ADGRL4: variants seen among roughly 807,000 people sequenced by gnomAD.
ADGRL4 encodes adhesion G protein-coupled receptor L4.
ADGRL4 carries 90 observed loss-of-function variants against 74.8 expected under a neutral mutation model. The ratio of observed to expected loss-of-function variants is 1.20; its 90% CI spans 1.02 to 1.43. The LOEUF is 1.43. Ranked by LOEUF, ADGRL4 falls within the 40% of genes most tolerant of loss-of-function variation. The probability of loss-of-function intolerance (pLI) is 0.00; values close to 1 mark genes in which losing one functional copy is unlikely to be tolerated. For missense variants in ADGRL4, 881 were observed against 814.3 expected (o/e 1.08, Z -1.00); for synonymous variants, 311 against 279.2 (o/e 1.11, Z -1.14).
chr1:78,946,289 C>T lies in ADGRL4; in HGVS notation c.310G>A (p.Gly104Arg). Residue 104 changes from glycine (G) to arginine (R), a missense_variant, in exon 3 of 15, where the codon GGA (glycine) becomes AGA (arginine). By Grantham distance (125) the Gly-to-Arg change is moderately radical. Transcript: ENST00000370742. ...CCGAACTTACCTATACAGACGGTTCCATCATTAGTGATAAACCTGTCTTGG... is the reference window on the plus strand; with the variant it reads ...CCGAACTTACCTATACAGACGGTTCTATCATTAGTGATAAACCTGTCTTGG... ...SNQDRFITND[G>R]TVCIENVNAN... 1 of 1,611,692 alleles carries T rather than the reference C, an allele frequency of 6.2e-7. No homozygotes were observed. Among genetic ancestry groups the T allele is most frequent in the Non-Finnish European group, 8.5e-7 (1 of 1,179,030 alleles).
intron 10 of ADGRL4, among the ~76,000 whole-genome samples, chr1:78,919,199 A>C (rs1427641765): frequency 6.6e-6 from 1 of 151,998 alleles, no homozygotes; most frequent in Non-Finnish European, 1.5e-5. Context: ...AAAGATTTCT[A>C]AGAATGGAAA....
rs1283282059 is a variant in ADGRL4, at chr1:78,891,044, G to T, written c.*110C>A. The T allele has an allele frequency of 2.8e-6, 3 of 1,074,248 alleles. No homozygotes were observed. The highest frequency in any genetic ancestry group is 1.8e-5 in the Admixed American group (1 of 55,174). 66.5% of individuals were successfully genotyped at this position (1,074,248 alleles called of 1,614,324 possible). The stretch of plus-strand genomic sequence containing the variant: ...GAAAAACTGATTTAAAATACTTTTT[G>T]TCTAGTAGTTAATAATTGGATAATT... On this transcript the variant is annotated 3_prime_UTR_variant, in exon 15 of 15. Transcript: ENST00000370742.
At chr1:78,982,863 C>T (rs1570270729) in intron 2 of ADGRL4, among the ~76,000 whole-genome samples, 1 of 151,786 alleles carries the variant, frequency 6.6e-6, no homozygotes, top group African/African-American at 2.4e-5. Flanking sequence ...TGCACCTGTG[C>T]AAGGTCGAGC....
intron 7 of ADGRL4, among the ~76,000 whole-genome samples, chr1:78,931,377 A>G (rs981633963): frequency 3.3e-5 from 5 of 151,518 alleles, no homozygotes; most frequent in Non-Finnish European, 1.5e-5. Flanking sequence ...AGACAAGCAA[A>G]TGCTGAGGGA....
chr1:78,891,351 T>C, intron 14 of ADGRL4, 135 bp from the exon 15 acceptor site: 1 of 1,228,630 alleles, frequency 8.1e-7, no homozygotes, highest in African/African-American at 1.5e-5. Flanking sequence ...TTAAGTTATA[T>C]TTATATCCCT....
chr1:79,006,482 G>T, intron 1 of ADGRL4, 151 bp downstream of exon 1: 2 of 873,646 alleles, frequency 2.3e-6, no homozygotes, highest in Non-Finnish European at 1.7e-6. Context: ...AGGTCAAGGA[G>T]AAAAACATCC....
At chr1:78,973,779 G>A (rs1650222834) in intron 2 of ADGRL4, among the ~76,000 whole-genome samples, 1 of 150,860 alleles carries the variant, frequency 6.6e-6, no homozygotes, top group Non-Finnish European at 1.5e-5. Flanking sequence ...ATATCCACTG[G>A]TGCTAAAGTG....
At chr1:78,915,682 G>A (rs1648855345) in intron 12 of ADGRL4, among the ~76,000 whole-genome samples, 1 of 151,654 alleles carries the variant, frequency 6.6e-6, no homozygotes, top group Non-Finnish European at 1.5e-5. Context: ...CTAAACTGTT[G>A]GTGGTTCTTT....
At chr1:78,989,424 C>CT (rs1374783855) in intron 2 of ADGRL4, among the ~76,000 whole-genome samples, 1 of 151,740 alleles carries the variant, frequency 6.6e-6, no homozygotes, top group African/African-American at 2.4e-5. Flanking sequence ...GAAACTTATT[C>CT]TTTAAAGAAC....
intron 2 of ADGRL4, among the ~76,000 whole-genome samples, chr1:78,990,481 T>C (rs1374235375): frequency 6.6e-6 from 1 of 151,980 alleles, no homozygotes; most frequent in Non-Finnish European, 1.5e-5. Context: ...GATTACAATC[T>C]GAAGACTTGC....
At chr1:78,953,701 T>C (rs1379909224) in intron 2 of ADGRL4, among the ~76,000 whole-genome samples, 1 of 152,180 alleles carries the variant, frequency 6.6e-6, no homozygotes, top group Non-Finnish European at 1.5e-5. Flanking sequence ...CAGAACTTTA[T>C]ATAGGGGAAG....
intron 2 of ADGRL4, among the ~76,000 whole-genome samples, chr1:78,999,014 C>T (rs1275779799): frequency 2.0e-5 from 3 of 152,008 alleles, no homozygotes; most frequent in Non-Finnish European, 4.4e-5. Flanking sequence ...TTTTATTAAG[C>T]TGCAAACCTG....
chr1:78,974,439 T>C (rs12240096), intron 2 of ADGRL4, among the ~76,000 whole-genome samples: 1 of 152,094 alleles, frequency 6.6e-6, no homozygotes, highest in Non-Finnish European at 1.5e-5. Flanking sequence ...AAGAAAAGAA[T>C]GGAAATGTAC....
At chr1:78,976,942 C>A (rs78143154) in intron 2 of ADGRL4, among the ~76,000 whole-genome samples, 1 of 151,686 alleles carries the variant, frequency 6.6e-6, no homozygotes, top group African/African-American at 2.4e-5. Flanking sequence ...CCATCATTAA[C>A]GCTGGTACCA....
At chr1:78,945,033 C>G (rs12137823) in intron 3 of ADGRL4, among the ~76,000 whole-genome samples, 9,089 of 151,730 alleles carry the variant, frequency 0.06, 295 homozygotes, top group South Asian at 0.098. Flanking sequence ...GGTGTGGCAG[C>G]GTGCACCTGT....
At chr1:78,961,384 G>A (rs1451380315) in intron 2 of ADGRL4, among the ~76,000 whole-genome samples, 3 of 151,992 alleles carry the variant, frequency 2.0e-5, no homozygotes, top group Non-Finnish European at 4.4e-5. Context: ...CTCGTGATCC[G>A]CCCACCTCGA....
intron 2 of ADGRL4, among the ~76,000 whole-genome samples, chr1:79,004,824 C>A (rs1387852002): frequency 2.0e-5 from 3 of 152,072 alleles, no homozygotes; most frequent in Non-Finnish European, 4.4e-5. Flanking sequence ...CCAGCATGAG[C>A]TAAAAGGAAA....
At chr1:78,953,227 G>C (rs575259132) in intron 2 of ADGRL4, among the ~76,000 whole-genome samples, 29 of 151,996 alleles carry the variant, frequency 1.9e-4, no homozygotes, top group Non-Finnish European at 3.5e-4. Flanking sequence ...TCATTCCATT[G>C]TATCTATCAA....
At chr1:78,899,763 CT>C (rs35005177) in intron 12 of ADGRL4, among the ~76,000 whole-genome samples, 486 of 144,618 alleles carry the variant, frequency 3.4e-3, no homozygotes, top group Middle Eastern at 7.1e-3. Context: ...GTCTGATTTT[CT>C]TTTTTTTTTT....
Sources: allele counts gnomAD v4.1 joint callset (sites outside exome capture counted in the v4.1 genomes callset), GRCh38; gene constraint gnomAD v4.1.1; transcripts MANE v1.5; gene names NCBI Gene and HGNC (gene_info 2026-07-23, HGNC 2026-07-21).